DDAH1: variants seen among roughly 807,000 people sequenced by gnomAD.
DDAH1 encodes N(G),N(G)-dimethylarginine dimethylaminohydrolase 1.
DDAH1 carries 19 observed loss-of-function variants against 28.8 expected under a neutral mutation model. That is an observed-to-expected ratio of 0.66 (90% CI 0.46 to 0.97). The LOEUF (loss-of-function observed/expected upper bound fraction) is 0.97, where lower values mean the gene tolerates loss of function less well. Among genes scored for constraint, DDAH1 ranks in the 50% least tolerant of loss-of-function variants. The probability of loss-of-function intolerance (pLI) is 0.00; values close to 1 mark genes in which losing one functional copy is unlikely to be tolerated. For missense variants in DDAH1, 326 were observed against 375.9 expected (o/e 0.87, Z 1.10); for synonymous variants, 153 against 154.4 (o/e 0.99, Z 0.07).
chr1:85,401,866 T>C (rs940106675), intron 1 of DDAH1, among the ~76,000 whole-genome samples: 1 of 152,226 alleles, frequency 6.6e-6, no homozygotes, highest in Non-Finnish European at 1.5e-5. Flanking sequence ...TTTTCAGTTA[T>C]ATGTAATTTT....
intron 1 of DDAH1, among the ~76,000 whole-genome samples, chr1:85,555,754 A>G (rs961740830): frequency 5.9e-5 from 9 of 152,208 alleles, no homozygotes; most frequent in South Asian, 2.1e-4. Context: ...CAAAAAGTCA[A>G]TTTGAACTGG....
At chr1:85,411,889 C>A (rs1320835227) in intron 1 of DDAH1, among the ~76,000 whole-genome samples, 10 of 152,120 alleles carry the variant, frequency 6.6e-5, no homozygotes, top group Admixed American at 6.5e-4. Flanking sequence ...CTGTGGAGGT[C>A]AATCAATAGC....
chr1:85,540,559 C>T (rs1259727437), intron 1 of DDAH1, among the ~76,000 whole-genome samples: 1 of 152,160 alleles, frequency 6.6e-6, no homozygotes, highest in African/African-American at 2.4e-5. Context: ...TTCTTCAAGA[C>T]CTAGACTATA....
intron 1 of DDAH1, among the ~76,000 whole-genome samples, chr1:85,381,856 T>A (rs1651013056): frequency 6.6e-6 from 1 of 152,188 alleles, no homozygotes; most frequent in Non-Finnish European, 1.5e-5. Context: ...TCAAACTTAC[T>A]ACGTCCACAT....
chr1:85,458,760 G>T (rs2100684455), intron 1 of DDAH1, among the ~76,000 whole-genome samples: 1 of 152,188 alleles, frequency 6.6e-6, no homozygotes, highest in East Asian at 1.9e-4. Flanking sequence ...GAAGTTCAGA[G>T]GATTCAGTTA....
upstream of DDAH1, chr1:85,467,799 T>C (rs1655436780): frequency 6.6e-6 from 1 of 152,230 alleles, no homozygotes; most frequent in Non-Finnish European, 1.5e-5. Flanking sequence ...CACATCACCA[T>C]GTTATGCACT....
At chr1:85,401,792 T>C (rs1201581387) in intron 1 of DDAH1, among the ~76,000 whole-genome samples, 1 of 152,154 alleles carries the variant, frequency 6.6e-6, no homozygotes, top group Non-Finnish European at 1.5e-5. Flanking sequence ...CATGAGCCAC[T>C]GCACCTGACT....
intron 3 of DDAH1, 23 bp downstream of exon 3, chr1:85,351,483 G>C: frequency 6.3e-7 from 1 of 1,592,364 alleles, no homozygotes; most frequent in Non-Finnish European, 8.6e-7. Flanking sequence ...CTTTGTGCCA[G>C]GCATAAACTA....
chr1:85,567,967 C>G lies in DDAH1; in HGVS notation c.-123+10017G>C, dbSNP rs12410234. Among the ~76,000 whole-genome samples the G allele has an allele frequency of 8.2e-3, 1,255 of 152,148 alleles. 21 individuals carry two copies. Among genetic ancestry groups the G allele is most frequent in the East Asian group, 0.05 (261 of 5,178 alleles). On this transcript the variant is annotated intron_variant, in intron 1 of 6. Transcript: ENST00000426972. The stretch of plus-strand genomic sequence containing the variant: ...CAGTCTCAAGAAGTATAAAAGAATT[C>G]AAGTTAAACACAGTTTATTTTCTGA...
Position 85,324,742 on chromosome 1 carries a change from T to C in DDAH1, c.739A>G (p.Lys247Glu), listed in dbSNP as rs369156834. 7 of 1,613,988 alleles carry C rather than the reference T, an allele frequency of 4.3e-6. No homozygotes were observed. Among genetic ancestry groups the C allele is most frequent in the Non-Finnish European group, 5.9e-6 (7 of 1,180,010 alleles). Reference protein sequence around the residue: ...RTPEEYPESAKVYEKLKDHML... With the variant: ...RTPEEYPESAEVYEKLKDHML... ...GGTCAGAAGGGATATTTTTTTACCTTTGCACTTTCTGGATACTCTTCCGGG... is the reference window on the plus strand; with the variant it reads ...GGTCAGAAGGGATATTTTTTTACCTCTGCACTTTCTGGATACTCTTCCGGG... Residue 247 changes from lysine (K) to glutamate (E), a missense_variant and splice_region_variant, in exon 5 of 6, where the codon AAG becomes GAG. By Grantham distance (56) the Lys-to-Glu change is moderately conservative. Transcript: ENST00000284031.
At chr1:85,507,147 T>A (rs1027942083) in intron 1 of DDAH1, among the ~76,000 whole-genome samples, 9 of 151,866 alleles carry the variant, frequency 5.9e-5, no homozygotes, top group Non-Finnish European at 8.8e-5. Flanking sequence ...TGTGTGTGTG[T>A]GTATATATTT....
chr1:85,517,193 A>ATTTAT (rs1657504372), intron 1 of DDAH1, among the ~76,000 whole-genome samples: 1 of 151,196 alleles, frequency 6.6e-6, no homozygotes, highest in Non-Finnish European at 1.5e-5. Context: ...ATTCATCATA[A>ATTTAT]CACTCTAAAA....
intron 4 of DDAH1, among the ~76,000 whole-genome samples, chr1:85,341,034 TCC>T (rs896855003): frequency 1.3e-5 from 2 of 152,202 alleles, no homozygotes; most frequent in Admixed American, 6.5e-5. Context: ...GGTTGATCAA[TCC>T]CTCTCCAGAA....
chr1:85,460,137 C>T (rs957626130), intron 1 of DDAH1, among the ~76,000 whole-genome samples: 1 of 152,176 alleles, frequency 6.6e-6, no homozygotes, highest in African/African-American at 2.4e-5. Flanking sequence ...GATTCACACA[C>T]ATTCAAAAAC....
intron 1 of DDAH1, among the ~76,000 whole-genome samples, chr1:85,457,720 G>A (rs761496295): frequency 6.6e-5 from 10 of 152,166 alleles, no homozygotes; most frequent in Admixed American, 2.0e-4. Flanking sequence ...ACGGAGTTTC[G>A]CTCTTGTTGC....
intron 1 of DDAH1, among the ~76,000 whole-genome samples, chr1:85,382,178 T>C (rs1651026450): frequency 6.6e-6 from 1 of 152,154 alleles, no homozygotes; most frequent in East Asian, 1.9e-4. Context: ...AGTTGAGTTG[T>C]TGAAGGAAAT....
chr1:85,378,311 A>T (rs1164071792), intron 1 of DDAH1, among the ~76,000 whole-genome samples: 1 of 152,200 alleles, frequency 6.6e-6, no homozygotes, highest in Non-Finnish European at 1.5e-5. Flanking sequence ...AAAAATCTCT[A>T]GTAATGTAAT....
intron 1 of DDAH1, among the ~76,000 whole-genome samples, chr1:85,553,753 AGTG>A (rs1311274560): frequency 6.6e-6 from 1 of 152,210 alleles, no homozygotes; most frequent in Non-Finnish European, 1.5e-5. Context: ...TATTGGTGGT[AGTG>A]TTTACTGTGA....
intron 1 of DDAH1, among the ~76,000 whole-genome samples, chr1:85,525,801 G>C (rs623199): frequency 0.86 from 131,220 of 152,008 alleles, 56,790 homozygotes; most frequent in Middle Eastern, 0.9. Flanking sequence ...GAGCTCACAG[G>C]TTAACACTGC....
Sources: gnomAD v4.1 joint callset for allele counts (sites outside exome capture counted in the v4.1 genomes callset) on GRCh38, gnomAD v4.1.1 for gene constraint, MANE v1.5 for transcripts, NCBI Gene and HGNC (gene_info 2026-07-23, HGNC 2026-07-21) for gene names.